MEI4: variants seen among roughly 807,000 people sequenced by gnomAD.
MEI4 encodes meiosis-specific protein MEI4.
In MEI4, 27 loss-of-function variants were observed where a neutral mutation model predicts 31.4. That is an observed-to-expected ratio of 0.86 (90% confidence interval 0.63 to 1.19). MEI4 has a LOEUF of 1.19. MEI4 is among the 50% of genes most tolerant of loss of function. The pLI is 0.00. For missense variants in MEI4, 329 were observed against 398.9 expected, an observed-to-expected ratio of 0.82 and a Z score of 1.49; for synonymous variants, 122 against 145.4, an observed-to-expected ratio of 0.84 and a Z score of 1.16.
At chr6:77,905,272 T>G (rs959553064) in intron 4 of MEI4, among the ~76,000 whole-genome samples, 2 of 152,062 alleles carry the variant, frequency 1.3e-5, no homozygotes, top group Non-Finnish European at 2.9e-5. Context: ...ATTCTGTTCA[T>G]AGCCTTACTA....
chr6:77,786,956 C>T (rs1768752172), intron 3 of MEI4, among the ~76,000 whole-genome samples: 1 of 152,166 alleles, frequency 6.6e-6, no homozygotes, highest in Non-Finnish European at 1.5e-5. Flanking sequence ...CCTGCCTGCA[C>T]AGCTGGGAGA....
At chr6:77,715,986 CAT>C (rs1766573934) in intron 2 of MEI4, among the ~76,000 whole-genome samples, 1 of 152,054 alleles carries the variant, frequency 6.6e-6, no homozygotes. Context: ...TCCACAGTGA[CAT>C]AATCTTTTCA....
intron 3 of MEI4, among the ~76,000 whole-genome samples, chr6:77,770,700 C>T (rs1459255284): frequency 6.6e-6 from 1 of 152,102 alleles, no homozygotes; most frequent in Non-Finnish European, 1.5e-5. Flanking sequence ...ATGCTCCACA[C>T]CTCCAGCCAT....
chr6:77,888,811 G>A (rs1249016705), intron 4 of MEI4, among the ~76,000 whole-genome samples: 1 of 152,030 alleles, frequency 6.6e-6, no homozygotes, highest in Non-Finnish European at 1.5e-5. Flanking sequence ...AATGTGTTGT[G>A]GGAGGGACCC....
chr6:77,784,142 T>G (rs1768669998), intron 3 of MEI4, among the ~76,000 whole-genome samples: 1 of 152,118 alleles, frequency 6.6e-6, no homozygotes, highest in Non-Finnish European at 1.5e-5. Context: ...ATGTGAAGTT[T>G]CTAAGTTTCA....
At chr6:77,722,562 CCT>C (rs1766736001) in intron 2 of MEI4, among the ~76,000 whole-genome samples, 1 of 150,020 alleles carries the variant, frequency 6.7e-6, no homozygotes, top group Non-Finnish European at 1.5e-5. Flanking sequence ...GTATATATCC[CCT>C]CTTGGTCATG....
In MEI4 at chr6:77,690,917, A is replaced by G; in HGVS notation, c.232+14A>G. The G allele has an allele frequency of 1.7e-6, 2 of 1,210,826 alleles. No homozygotes were observed. The highest frequency in any genetic ancestry group is 3.2e-5 in the East Asian group (1 of 31,592). The allele number at this position is 1,210,826 out of a possible 1,614,324, so 75.0% of individuals were successfully genotyped here. ...CCTTTAAGAGTGGTGAGTATATAAA[A>G]TTGCCTTTTGGTAGTATGTCATACT... On this transcript the variant is annotated intron_variant, in intron 2 of 4. Transcript: ENST00000684080.
chr6:77,735,628 T>C (rs1767172102), intron 2 of MEI4, among the ~76,000 whole-genome samples: 1 of 152,130 alleles, frequency 6.6e-6, no homozygotes, highest in African/African-American at 2.4e-5. Context: ...CCTTCTTCTC[T>C]TAGCTTGTCA....
At chr6:77,882,750 C>A (rs547139008) in intron 4 of MEI4, among the ~76,000 whole-genome samples, 1 of 152,018 alleles carries the variant, frequency 6.6e-6, no homozygotes, top group Non-Finnish European at 1.5e-5. Context: ...TTGACATTTT[C>A]GTTGTAGTAT....
At chr6:77,827,219 G>A (rs1240317226) in intron 3 of MEI4, among the ~76,000 whole-genome samples, 1 of 151,864 alleles carries the variant, frequency 6.6e-6, no homozygotes, top group Admixed American at 6.6e-5. Flanking sequence ...AATTAGCTGG[G>A]TGTGGTGGCG....
intron 1 of MEI4, among the ~76,000 whole-genome samples, chr6:77,689,835 A>G (rs1360240367): frequency 3.9e-5 from 6 of 152,060 alleles, no homozygotes; most frequent in Non-Finnish European, 1.5e-5. Context: ...CTCTTCATCA[A>G]GCATTTTTAT....
chr6:77,884,036 T>C (rs1771563601), intron 4 of MEI4, among the ~76,000 whole-genome samples: 1 of 152,164 alleles, frequency 6.6e-6, no homozygotes, highest in African/African-American at 2.4e-5. Flanking sequence ...ATTTTTTGTC[T>C]TTTGGATAAT....
chr6:77,761,327 C>G lies in MEI4; in HGVS notation c.430C>G (p.Gln144Glu). Residue 144 changes from glutamine to glutamate, a missense_variant, in exon 3 of 5, where the codon CAA (glutamine) becomes GAA (glutamate). Transcript: ENST00000684080. ...PLVKRPCAIL[Q>E]NPLSSHMQFL... is the part of the protein sequence containing the mutation. Reference sequence around the variant, plus strand: ...TGTGAAAAGACCTTGTGCTATCCTGCAAAATCCTTTGTCTTCTCACATGCA... The same window carrying G: ...TGTGAAAAGACCTTGTGCTATCCTGGAAAATCCTTTGTCTTCTCACATGCA... 1 of 1,232,582 alleles carries G rather than the reference C, an allele frequency of 8.1e-7. No individual in the cohort carries two copies. The highest frequency in any genetic ancestry group is 4.1e-5 in the South Asian group (1 of 24,318). The allele number at this position is 1,232,582 out of a possible 1,614,324, so 76.4% of individuals were successfully genotyped here. A position where few individuals can be genotyped will look rare whatever the true frequency, so the allele number is the denominator to read the frequency against.
intron 4 of MEI4, among the ~76,000 whole-genome samples, chr6:77,848,805 T>C (rs1444545159): frequency 6.6e-6 from 1 of 152,194 alleles, no homozygotes; most frequent in African/African-American, 2.4e-5. Context: ...TCTCATTTAT[T>C]AACCAATTTA....
intron 3 of MEI4, among the ~76,000 whole-genome samples, chr6:77,810,422 G>C (rs1261269594): frequency 6.6e-6 from 1 of 152,164 alleles, no homozygotes; most frequent in Non-Finnish European, 1.5e-5. Context: ...CTCTAGGCCA[G>C]CTGCTGTCCG....
At chr6:77,752,926 G>A (rs1334777517) in intron 2 of MEI4, among the ~76,000 whole-genome samples, 3 of 152,002 alleles carry the variant, frequency 2.0e-5, no homozygotes, top group Admixed American at 6.6e-5. Context: ...GGAACAGAAC[G>A]GAGTCCTCAG....
chr6:77,789,367 A>C (rs2127694925), intron 3 of MEI4, among the ~76,000 whole-genome samples: 1 of 152,330 alleles, frequency 6.6e-6, no homozygotes, highest in Non-Finnish European at 1.5e-5. Context: ...TGTCTATAAC[A>C]CCAAAAGCAA....
At chr6:77,801,026 T>A (rs984193231) in intron 3 of MEI4, among the ~76,000 whole-genome samples, 5 of 151,356 alleles carry the variant, frequency 3.3e-5, no homozygotes, top group African/African-American at 1.2e-4. Context: ...TAGGGAGGAT[T>A]CCCTCTTTTT....
At chr6:77,860,100 C>A (rs537807736) in intron 4 of MEI4, among the ~76,000 whole-genome samples, 9 of 152,272 alleles carry the variant, frequency 5.9e-5, no homozygotes, top group Non-Finnish European at 1.0e-4. Flanking sequence ...AATAATGCTG[C>A]AAAATCATGA....
Sources: allele counts gnomAD v4.1 joint callset (sites outside exome capture counted in the v4.1 genomes callset), GRCh38; gene constraint gnomAD v4.1.1; transcripts MANE v1.5; gene names NCBI Gene and HGNC (gene_info 2026-07-23, HGNC 2026-07-21).